Variants in DPYSL3 observed in about 807,000 individuals in gnomAD.
DPYSL3 encodes the protein dihydropyrimidinase like 3.
DPYSL3 carries 16 observed loss-of-function variants against 66.1 expected under a neutral mutation model. That is an observed-to-expected ratio of 0.24 (90% CI 0.16 to 0.37). DPYSL3 has a LOEUF of 0.37. Among genes scored for constraint, DPYSL3 ranks in the 10% least tolerant of loss-of-function variants. The pLI is 1.00. For synonymous variants in DPYSL3, 338 were observed against 345.1 expected, an observed-to-expected ratio of 0.98 and a Z score of 0.23; for missense variants, 738 against 916.2, an observed-to-expected ratio of 0.81 and a Z score of 2.51.
At chr5:147,405,814 A>T (rs972750434) in intron 7 of DPYSL3, 84 bp from the exon 8 acceptor site, 1 of 1,521,800 alleles carries the variant, frequency 6.6e-7, no homozygotes, top group Non-Finnish European at 8.8e-7. Flanking sequence ...GTGAGGATGC[A>T]GTGCTGCACA....
chr5:147,458,984 A>AT (rs61178145), intron 1 of DPYSL3, among the ~76,000 whole-genome samples: 3,057 of 138,372 alleles, frequency 0.022, 77 homozygotes, highest in African/African-American at 0.063. Context: ...TAATATTTTG[A>AT]TTTTTTTTTT....
chr5:147,412,725 A>G (rs1163033622), intron 5 of DPYSL3, 37 bp from the exon 6 acceptor site: 1 of 1,579,532 alleles, frequency 6.3e-7, no homozygotes, highest in Non-Finnish European at 8.6e-7. Context: ...TCTTGCAAGC[A>G]CTTTTAGCAG....
intron 7 of DPYSL3, chr5:147,406,333 A>G (rs951489222): frequency 4.6e-5 from 7 of 152,220 alleles, no homozygotes; most frequent in African/African-American, 1.7e-4. Context: ...GGCATTTATT[A>G]AGAAATTAGA....
intron 1 of DPYSL3, among the ~76,000 whole-genome samples, chr5:147,478,346 CA>C (rs1338558770): frequency 1.3e-5 from 2 of 152,144 alleles, no homozygotes; most frequent in Non-Finnish European, 1.5e-5. Context: ...CCTCTGTCAA[CA>C]AAAAAATCAG....
intron 1 of DPYSL3, among the ~76,000 whole-genome samples, chr5:147,470,923 G>A (rs935046267): frequency 6.6e-6 from 1 of 152,070 alleles, no homozygotes; most frequent in African/African-American, 2.4e-5. Flanking sequence ...TATAAAGTAT[G>A]TTATAATGAT....
intron 1 of DPYSL3, among the ~76,000 whole-genome samples, chr5:147,450,261 A>C (rs991756286): frequency 3.3e-5 from 5 of 152,242 alleles, no homozygotes; most frequent in Non-Finnish European, 7.3e-5. Context: ...GGATTCAACG[A>C]AACAAGGCAT....
In DPYSL3 at chr5:147,476,205, T is replaced by A. The variant is rs552187978; in HGVS notation, c.381+33273A>T. ...TAAAAAGTGAATTAACTTATAATTT[T>A]AAAATGAAAAATTAAGTCCCAATAC... On this transcript the variant is annotated intron_variant, in intron 1 of 13. Coordinates refer to ENST00000343218, the MANE Select transcript of DPYSL3 (RefSeq NM_001197294.2). 2.0e-5 allele frequency among the ~76,000 whole-genome samples: 3 copies of A among 152,278 alleles called. No individual in the cohort carries two copies. In the South Asian group the frequency reaches 6.2e-4, roughly 32 times the overall value.
In DPYSL3 at chr5:147,509,059, C is replaced by T. The variant is rs1753719908; in HGVS notation, c.381+419G>A. Among the ~76,000 whole-genome samples the T allele has an allele frequency of 6.6e-6, 1 of 152,146 alleles. No homozygotes were observed. The highest frequency in any genetic ancestry group is 2.4e-5 in the African/African-American group (1 of 41,434). On this transcript the variant is annotated intron_variant, in intron 1 of 13. Coordinates refer to ENST00000343218, the MANE Select transcript of DPYSL3 (RefSeq NM_001197294.2). This position sits in a 1 kb window ranked among gnomAD's most constrained non-coding sequence, Gnocchi z 5.3. ...CCCATATTCCCAGCATCACTTTGCC[C>T]TCTGCCGTGGTGACCCGGGTTGAGA... is the stretch of plus-strand genomic sequence containing the variant.
chr5:147,430,652 C>A (rs1188178212), intron 1 of DPYSL3, among the ~76,000 whole-genome samples: 1 of 151,960 alleles, frequency 6.6e-6, no homozygotes, highest in African/African-American at 2.4e-5. Flanking sequence ...ATGACAGATG[C>A]AAAGTAAAAT....
In DPYSL3 at chr5:147,502,427, C is replaced by T. The variant is rs73264247; in HGVS notation, c.381+7051G>A. On this transcript the variant is annotated intron_variant, in intron 1 of 13. Coordinates refer to ENST00000343218, the MANE Select transcript of DPYSL3 (RefSeq NM_001197294.2). ...TATACACACAGATGGGAAGAAAATA[C>T]ACTCCTAGGTTAATGGCAGTTTTCT... is the stretch of plus-strand genomic sequence containing the variant. 4.0e-3 allele frequency among the ~76,000 whole-genome samples: 615 copies of T among 151,964 alleles called. 4 individuals carry two copies. Among genetic ancestry groups the T allele is most frequent in the African/African-American group, 0.014 (595 of 41,422 alleles).
chr5:147,473,180 T>A (rs769809232), intron 1 of DPYSL3: 2 of 152,146 alleles, frequency 1.3e-5, no homozygotes, highest in Non-Finnish European at 2.9e-5. Flanking sequence ...AATGAGTAGG[T>A]TTCTATCCAA....
intron 1 of DPYSL3, among the ~76,000 whole-genome samples, chr5:147,441,396 C>T (rs1752531604): frequency 6.6e-6 from 1 of 152,110 alleles, no homozygotes; most frequent in African/African-American, 2.4e-5. Context: ...GTGTCCTAAT[C>T]TATTCTTCTT....
intron 9 of DPYSL3, among the ~76,000 whole-genome samples, chr5:147,401,275 T>C (rs1758169110): frequency 6.6e-6 from 1 of 152,218 alleles, no homozygotes; most frequent in African/African-American, 2.4e-5. Flanking sequence ...AATGAGATTG[T>C]GAGTGTAGTC....
chr5:147,453,331 G>A (rs1278346801), intron 1 of DPYSL3, among the ~76,000 whole-genome samples: 9 of 152,304 alleles, frequency 5.9e-5, no homozygotes, highest in African/African-American at 7.2e-5. Context: ...GCCACTGTTT[G>A]GGTTTCCTCT....
chr5:147,452,787 C>T (rs1018914570), intron 1 of DPYSL3, among the ~76,000 whole-genome samples: 6 of 152,012 alleles, frequency 3.9e-5, no homozygotes, highest in Non-Finnish European at 8.8e-5. Context: ...ATACAGCGTG[C>T]GCCCGCGACA....
rs572097147 is a variant in DPYSL3, at chr5:147,429,070, G to A, written c.382-4107C>T. ...AAGCGTCCATGAGCTGATGTCTGAG[G>A]AGGTTAAATGGTCTTGTCTACAAAG... On this transcript the variant is annotated intron_variant, in intron 1 of 13. Transcript: ENST00000343218. 3.3e-5 allele frequency among the ~76,000 whole-genome samples: 5 copies of A among 152,272 alleles called. No homozygotes were observed. In the East Asian group the frequency reaches 9.6e-4, roughly 29 times the overall value.
intron 1 of DPYSL3, among the ~76,000 whole-genome samples, chr5:147,459,987 G>A (rs1752909000): frequency 6.6e-6 from 1 of 152,186 alleles, no homozygotes; most frequent in African/African-American, 2.4e-5. Flanking sequence ...GTGGGCGCCT[G>A]TTATCCCAGC....
At chr5:147,453,473 T>C (rs1040635406) in intron 1 of DPYSL3, 68 of 1,482,034 alleles carry the variant, frequency 4.6e-5, no homozygotes, top group Non-Finnish European at 5.9e-5. Flanking sequence ...GCCGGCGGGA[T>C]CCGAGCCGAC....
At chr5:147,410,837 TA>T (rs1256917708) in intron 6 of DPYSL3, among the ~76,000 whole-genome samples, 3 of 152,180 alleles carry the variant, frequency 2.0e-5, no homozygotes, top group Admixed American at 2.0e-4. Context: ...AAGCTGAATT[TA>T]ATAAACACAC....
Sources: allele counts gnomAD v4.1 joint callset (sites outside exome capture counted in the v4.1 genomes callset), GRCh38; gene constraint gnomAD v4.1.1; non-coding constraint Gnocchi (gnomAD v3.1); transcripts MANE v1.5; gene names NCBI Gene and HGNC (gene_info 2026-07-23, HGNC 2026-07-21).